SAMD4B: variants seen among roughly 807,000 people sequenced by gnomAD.
SAMD4B encodes the protein sterile alpha motif domain containing 4B.
A neutral mutation model predicts 74.5 loss-of-function variants in SAMD4B; 5 were observed. That is an observed-to-expected ratio of 0.07 (90% CI 0.04 to 0.14). The LOEUF (loss-of-function observed/expected upper bound fraction) is 0.14, where lower values mean the gene tolerates loss of function less well. SAMD4B is among the 10% of genes least tolerant of loss of function. SAMD4B has a pLI of 1.00. For missense variants in SAMD4B, 608 were observed against 921.8 expected, an observed-to-expected ratio of 0.66 and a Z score of 4.41; for synonymous variants, 373 against 374.9, an observed-to-expected ratio of 1.00 and a Z score of 0.06.
chr19:39,382,516 G>A lies in SAMD4B; in HGVS notation c.1973-692G>A, dbSNP rs80030095. On this transcript the variant is annotated intron_variant, in intron 12 of 13. Coordinates refer to ENST00000610417, the MANE Select transcript of SAMD4B (RefSeq NM_001384574.2). ...GGGTTCAGAGGGAACAGTGATGAGA[G>A]ATGAGGGTGGAGATGGGAGCTGGGT... Among the ~76,000 whole-genome samples, 933 of 152,276 alleles carry A rather than the reference G, an allele frequency of 6.1e-3. 15 individuals are homozygous for A. Among genetic ancestry groups the A allele is most frequent in the African/African-American group, 0.021 (893 of 41,552 alleles).
chr19:39,353,747 G>A (rs988453682), intron 1 of SAMD4B, among the ~76,000 whole-genome samples: 4 of 151,990 alleles, frequency 2.6e-5, no homozygotes, highest in Non-Finnish European at 4.4e-5. Context: ...GACTACAGGC[G>A]CCCGCCACCA....
intron 3 of SAMD4B, among the ~76,000 whole-genome samples, chr19:39,367,825 G>C (rs1005435241): frequency 6.6e-6 from 1 of 151,710 alleles, no homozygotes; most frequent in Non-Finnish European, 1.5e-5. Context: ...AGGTCTTTGA[G>C]GGGGAGAGTC....
intron 1 of SAMD4B, among the ~76,000 whole-genome samples, chr19:39,347,570 A>C (rs913496648): frequency 6.6e-6 from 1 of 152,174 alleles, no homozygotes; most frequent in African/African-American, 2.4e-5. Context: ...GCTTTGGGAT[A>C]TCACGGGTGA....
downstream of SAMD4B, chr19:39,388,625 T>G (rs201346621): frequency 2.7e-5 from 44 of 1,614,130 alleles, no homozygotes; most frequent in Non-Finnish European, 3.6e-5. Context: ...ACGTCTCTTC[T>G]ACAGGCAGGA....
At chr19:39,371,984 A>C (rs1362805936) in intron 4 of SAMD4B, among the ~76,000 whole-genome samples, 1 of 152,180 alleles carries the variant, frequency 6.6e-6, no homozygotes, top group East Asian at 1.9e-4. Flanking sequence ...CCTCTCCTGG[A>C]GATGCTCATC....
chr19:39,369,317 G>A lies in SAMD4B; in HGVS notation c.197-338G>A, dbSNP rs533376849. The A allele has an allele frequency of 9.1e-5, 29 of 320,300 alleles. No individual in the cohort carries two copies. In the Admixed American group the frequency reaches 1.2e-3, roughly 14 times the overall value. The allele number at this position is 320,300 out of a possible 1,614,324, so 19.8% of individuals were successfully genotyped here. ...CCTAGGAGTGGGGGACCACCAGGTT[G>A]CCTAAGGAGGGGTGAACTGGCCCAG... On this transcript the variant is annotated intron_variant, in intron 3 of 13. Transcript: ENST00000610417.
chr19:39,374,374 C>T (rs960282903), intron 4 of SAMD4B, among the ~76,000 whole-genome samples: 40 of 152,146 alleles, frequency 2.6e-4, no homozygotes, highest in Non-Finnish European at 5.9e-5. Context: ...CACCAGGCCT[C>T]ATGAGTGGCC....
At chr19:39,365,864 T>C (rs2076930987) in intron 3 of SAMD4B, among the ~76,000 whole-genome samples, 1 of 152,234 alleles carries the variant, frequency 6.6e-6, no homozygotes, top group Non-Finnish European at 1.5e-5. Flanking sequence ...ACCAATGCTG[T>C]AGACATAGTA....
At position 39,377,552 on chromosome 19, in the gene SAMD4B, T is replaced by G; in HGVS notation, c.1172T>G (p.Ile391Ser). The change falls in exon 8 of 14, where the codon ATC becomes AGC. Residue 391 changes from isoleucine (I) to serine (S), a missense_variant. Coordinates refer to ENST00000610417, the MANE Select transcript of SAMD4B (RefSeq NM_001384574.2). ...CTGCAGCAGATCATCATCACTCCCA[T>G]CAAGGCCTACAGTGTCCTCCAGGCC... ...QELQQIIITP[I>S]KAYSVLQATV... The G allele has an allele frequency of 6.2e-7, 1 of 1,609,462 alleles. No individual in the cohort carries two copies. Among genetic ancestry groups the G allele is most frequent in the Non-Finnish European group, 8.5e-7 (1 of 1,176,626 alleles).
chr19:39,389,664 C>T, downstream of SAMD4B: 1 of 1,614,194 alleles, frequency 6.2e-7, no homozygotes, highest in South Asian at 1.1e-5. The surrounding 1 kb of genome is among the most constrained non-coding windows in gnomAD (Gnocchi z 5.3). Flanking sequence ...CGGTAGGTGT[C>T]AGGATTGATG....
chr19:39,372,945 CTG>C (rs1240259878), intron 4 of SAMD4B, among the ~76,000 whole-genome samples: 2 of 152,164 alleles, frequency 1.3e-5, no homozygotes, highest in Non-Finnish European at 2.9e-5. Context: ...CCTGGACACT[CTG>C]GGGTAGGGCA....
In SAMD4B at chr19:39,375,957, G is replaced by A; in HGVS notation, c.907+68G>A. On this transcript the variant is annotated intron_variant, in intron 5 of 13. Transcript: ENST00000610417. This position sits in a 1 kb window ranked among gnomAD's most constrained non-coding sequence, Gnocchi z 4.1. ...TCTGCAGAGCTTAGAGGACAGAAAG[G>A]AGCTTGTAGCTGACACCTGCTTACC... 3.8e-6 allele frequency: 6 copies of A among 1,561,312 alleles called. No homozygotes were observed. The highest frequency in any genetic ancestry group is 1.2e-5 in the South Asian group (1 of 86,684).
chr19:39,360,594 C>G (rs1257637941), intron 3 of SAMD4B, among the ~76,000 whole-genome samples: 2 of 152,266 alleles, frequency 1.3e-5, no homozygotes, highest in East Asian at 3.9e-4. Flanking sequence ...TCTAGTAGAC[C>G]TGAGGGCTCT....
Position 39,383,790 on chromosome 19 carries a change from C to G in SAMD4B, c.*263C>G. ...GGCAGGGACTGGCCAGACTGCCTGCCTCTCTCCTTTCCTTCCTCATCCCCA... is the reference window on the plus strand; with the variant it reads ...GGCAGGGACTGGCCAGACTGCCTGCGTCTCTCCTTTCCTTCCTCATCCCCA... On this transcript the variant is annotated 3_prime_UTR_variant, in exon 14 of 14. Coordinates refer to ENST00000610417, the MANE Select transcript of SAMD4B (RefSeq NM_001384574.2). The surrounding 1 kb of genome is among the most constrained non-coding windows in gnomAD (Gnocchi z 4.1). 1 of 1,368,326 alleles carries G rather than the reference C, an allele frequency of 7.3e-7. No homozygotes were observed. The highest frequency in any genetic ancestry group is 1.0e-6 in the Non-Finnish European group (1 of 1,002,902). The allele number at this position is 1,368,326 out of a possible 1,614,324, so 84.8% of individuals were successfully genotyped here.
rs1600601041 is a variant in SAMD4B, at chr19:39,385,118, GTTTA to G, written c.*1597_*1600del. On this transcript the variant is annotated 3_prime_UTR_variant, in exon 14 of 14. Transcript: ENST00000610417. ...AGTGCCGGGCTGGGTGGGGTGTCAGGTTTATTTATGTACCTCTTGCACACTCATC... is the reference window on the plus strand; with the variant it reads ...AGTGCCGGGCTGGGTGGGGTGTCAGGTTTATGTACCTCTTGCACACTCATC... The G allele has an allele frequency of 6.5e-6, 1 of 154,100 alleles. No individual in the cohort carries two copies. Among genetic ancestry groups the G allele is most frequent in the Non-Finnish European group, 1.4e-5 (1 of 69,290 alleles). The allele number at this position is 154,100 out of a possible 1,614,324, so 9.5% of individuals were successfully genotyped here.
chr19:39,357,128 G>A, intron 3 of SAMD4B, 39 bp downstream of exon 3: 1 of 1,535,006 alleles, frequency 6.5e-7, no homozygotes, highest in Non-Finnish European at 8.9e-7. Context: ...ACAGCAGGAG[G>A]GAGACCTGGA....
downstream of SAMD4B, chr19:39,385,833 T>C (rs908622986): frequency 2.7e-6 from 3 of 1,110,824 alleles, no homozygotes; most frequent in Non-Finnish European, 3.8e-6. Context: ...AATGACATCA[T>C]AGGGGCTGGG....
chr19:39,382,462 A>G (rs537554930), intron 12 of SAMD4B, among the ~76,000 whole-genome samples: 44 of 152,218 alleles, frequency 2.9e-4, no homozygotes, highest in East Asian at 1.4e-3. Flanking sequence ...AGGAGAGACA[A>G]TTGGGTGATC....
At position 39,369,884 on chromosome 19, in the gene SAMD4B, A is replaced by C. The variant is rs140200767; in HGVS notation, c.426A>C (p.Ala142=). ...HPATTLEDRN[A]LALWLSHLEE... ...CCACCACACTGGAGGACCGCAACGC[A>C]CTGGCCCTCTGGCTGAGCCACCTGG... is the stretch of plus-strand genomic sequence containing the variant. The change falls in exon 4 of 14, where the codon GCA becomes GCC. Residue 142 remains alanine (A), a synonymous_variant. Coordinates refer to ENST00000610417, the MANE Select transcript of SAMD4B (RefSeq NM_001384574.2). 2 of 1,614,240 alleles carry C rather than the reference A, an allele frequency of 1.2e-6. No individual in the cohort carries two copies.
Sources: gnomAD v4.1 joint callset for allele counts (sites outside exome capture counted in the v4.1 genomes callset) on GRCh38, gnomAD v4.1.1 for gene constraint, Gnocchi (gnomAD v3.1) non-coding constraint, MANE v1.5 for transcripts, NCBI Gene and HGNC (gene_info 2026-07-23, HGNC 2026-07-21) for gene names.